SEC16B: variants seen among roughly 807,000 people sequenced by gnomAD.
SEC16B encodes SEC16 homolog B, endoplasmic reticulum export factor, also known as protein transport protein Sec16B.
A neutral mutation model predicts 141.8 loss-of-function variants in SEC16B; 115 were observed. That is an observed-to-expected ratio of 0.81 (90% confidence interval 0.70 to 0.95). The LOEUF (loss-of-function observed/expected upper bound fraction) is 0.95, where lower values mean the gene tolerates loss of function less well. SEC16B is among the 40% of genes least tolerant of loss of function. The pLI, the probability that SEC16B is intolerant of heterozygous loss-of-function variation, is 0.00. For missense variants in SEC16B, 1,291 were observed against 1,312.3 expected (o/e 0.98, Z 0.25); for synonymous variants, 493 against 492.5 (o/e 1.00, Z -0.01).
rs1425885709 is a variant in SEC16B, at chr1:177,940,665, C to T, written c.2072G>A (p.Ser691Asn). The T allele has an allele frequency of 6.2e-7, 1 of 1,613,928 alleles. No homozygotes were observed. Among genetic ancestry groups the T allele is most frequent in the Non-Finnish European group, 8.5e-7 (1 of 1,179,872 alleles). Residue 691 changes from serine (S) to asparagine (N), a missense_variant, in exon 17 of 26, where the codon AGT becomes AAT. By Grantham distance (46) the Ser-to-Asn change is conservative. Around this residue, in one of 3 missense-constraint regions of SEC16B, gnomAD observed 605 missense variants for 614.1 expected, o/e 0.99. Coordinates refer to ENST00000308284, the MANE Select transcript of SEC16B (RefSeq NM_033127.4). ...LSDPLVLERR[S>N]GDRDLEPDWL... ...ATCTGGCTCCAGGTCCCTGTCTCCA[C>T]TGCGTCTTTCTAAAACCAGAGGATC... is the stretch of plus-strand genomic sequence containing the variant.
chr1:177,930,018 T>G (rs897876625), intron 25 of SEC16B, 89 bp from the exon 26 acceptor site: 1 of 1,263,194 alleles, frequency 7.9e-7, no homozygotes, highest in African/African-American at 1.5e-5. Flanking sequence ...TAGGGCACCC[T>G]GAGCCTCTGT....
At chr1:177,932,605 C>T in intron 23 of SEC16B, 36 bp from the exon 24 acceptor site, 1 of 1,523,866 alleles carries the variant, frequency 6.6e-7, no homozygotes, top group Non-Finnish European at 8.8e-7. Flanking sequence ...TTCCTCTGCT[C>T]AGGACTGGGG....
At position 177,937,400 on chromosome 1, in the gene SEC16B, G is replaced by A. The variant is rs1650929058; in HGVS notation, c.2317C>T (p.Gln773Ter). ...CCCGGCTGGAGGGGAAAGGGCTGCT[G>A]TGGGCTGGGCTGGAGCAGGCAGGTC... ...EQTCLLQPSP[Q>*]QPFPLQPGSY... The change falls in exon 19 of 26, where the codon CAG (glutamine) becomes TAG (stop). Residue 773 changes from glutamine (Q) to a stop codon, truncating the protein, a stop_gained. Transcript: ENST00000308284. LOFTEE classifies it high-confidence loss of function. 6.2e-7 allele frequency: 1 copy of A among 1,611,464 alleles called. No homozygotes were observed. Among genetic ancestry groups the A allele is most frequent in the African/African-American group, 1.3e-5 (1 of 74,882 alleles).
At chr1:177,983,664 G>A (rs1315825906) in intron 1 of SEC16B, among the ~76,000 whole-genome samples, 3 of 152,132 alleles carry the variant, frequency 2.0e-5, no homozygotes, top group Admixed American at 1.3e-4. Context: ...ATCCAAGCCG[G>A]AGTTCTATTG....
intron 8 of SEC16B, 90 bp from the exon 9 acceptor site, chr1:177,959,065 G>A: frequency 7.3e-7 from 1 of 1,378,900 alleles, no homozygotes; most frequent in Non-Finnish European, 1.0e-6. Flanking sequence ...TGCAAGTGCT[G>A]GCTGGGCTGT....
chr1:177,963,946 A>T (rs1653290463), intron 5 of SEC16B, among the ~76,000 whole-genome samples: 1 of 152,198 alleles, frequency 6.6e-6, no homozygotes, highest in Non-Finnish European at 1.5e-5. Context: ...CAATTTGATA[A>T]AAATGCAAAG....
At chr1:177,950,303 C>A (rs1022501668) in intron 12 of SEC16B, among the ~76,000 whole-genome samples, 1 of 152,110 alleles carries the variant, frequency 6.6e-6, no homozygotes, top group Non-Finnish European at 1.5e-5. Flanking sequence ...CAAGAGGACA[C>A]GAGGGAGAGG....
intron 9 of SEC16B, 57 bp from the exon 10 acceptor site, chr1:177,958,419 C>A (rs1429083006): frequency 1.4e-6 from 2 of 1,405,152 alleles, no homozygotes; most frequent in East Asian, 2.5e-5. Context: ...GGCTGGCAGC[C>A]CCAGCTGGAG....
chr1:177,937,450 G>C lies in SEC16B; in HGVS notation c.2267C>G (p.Ser756Ter). The change falls in exon 19 of 26, where the codon TCA becomes TGA. Residue 756 changes from serine to a stop codon, truncating the protein, a stop_gained. Coordinates refer to ENST00000308284, the MANE Select transcript of SEC16B (RefSeq NM_033127.4). LOFTEE classifies it high-confidence loss of function. ...CTGCTCAGGTGTCAGCCACAGAGCT[G>C]AGCGGTACCCAGGGGCTTCAGAGTA... ...QGYSEAPGYR[S>*]ALWLTPEQTC... 1 of 1,604,420 alleles carries C rather than the reference G, an allele frequency of 6.2e-7. No individual in the cohort carries two copies.
At chr1:177,954,137 C>T in intron 11 of SEC16B, 142 bp downstream of exon 11, 1 of 582,320 alleles carries the variant, frequency 1.7e-6, no homozygotes, top group East Asian at 2.8e-5. Context: ...ATGCTATGTC[C>T]AGCTCAGAAA....
At chr1:177,963,993 G>T (rs1418191869) in intron 5 of SEC16B, among the ~76,000 whole-genome samples, 178 bp downstream of exon 5, 2 of 152,190 alleles carry the variant, frequency 1.3e-5, no homozygotes, top group Non-Finnish European at 2.9e-5. Flanking sequence ...TAAGACTGAG[G>T]CAGTAAGGAG....
intron 12 of SEC16B, chr1:177,948,414 A>T (rs1651907566): frequency 6.9e-6 from 9 of 1,304,420 alleles, no homozygotes; most frequent in Non-Finnish European, 9.1e-6. Context: ...TTCTGGCTCT[A>T]CAAAGCCCAT....
At chr1:177,982,367 C>T (rs2102034501) in intron 1 of SEC16B, among the ~76,000 whole-genome samples, 1 of 152,146 alleles carries the variant, frequency 6.6e-6, no homozygotes, top group East Asian at 1.9e-4. Context: ...TGTGGTAGTT[C>T]CAGAGGAGGC....
At chr1:177,945,609 C>T (rs992174308) in intron 14 of SEC16B, 8 of 152,272 alleles carry the variant, frequency 5.3e-5, no homozygotes, top group African/African-American at 1.9e-4. Flanking sequence ...CTCACCCACA[C>T]CCTCACTGTA....
intron 1 of SEC16B, among the ~76,000 whole-genome samples, chr1:177,981,534 C>G (rs552730178): frequency 6.6e-6 from 1 of 152,316 alleles, no homozygotes; most frequent in South Asian, 2.1e-4. Context: ...GACTGAATAA[C>G]TATTATGTGC....
chr1:177,961,971 C>T (rs982994789), intron 5 of SEC16B, among the ~76,000 whole-genome samples: 1 of 152,324 alleles, frequency 6.6e-6, no homozygotes, highest in Non-Finnish European at 1.5e-5. Flanking sequence ...TACTCAGCTG[C>T]TGTGCCCCTG....
At position 177,932,534 on chromosome 1, in the gene SEC16B, C is replaced by A. The variant is rs751850290; in HGVS notation, c.2968G>T (p.Gly990Ter). 1 of 1,560,862 alleles carries A rather than the reference C, an allele frequency of 6.4e-7. No homozygotes were observed. Among genetic ancestry groups the A allele is most frequent in the Admixed American group, 1.9e-5 (1 of 52,920 alleles). ...CCAACCCCAGCGCCCGCAGCTGCTCCCCCGCTGGATGCGGATCCTCGGCCT... is the reference window on the plus strand; with the variant it reads ...CCAACCCCAGCGCCCGCAGCTGCTCACCCGCTGGATGCGGATCCTCGGCCT... ...GEGRGSASSG[G>*]AAAGAGVGGL... Residue 990 changes from glycine (G) to a stop codon, truncating the protein, a stop_gained, in exon 24 of 26, where the codon GGA becomes TGA. Coordinates refer to ENST00000308284, the MANE Select transcript of SEC16B (RefSeq NM_033127.4). LOFTEE classifies it high-confidence loss of function.
At chr1:177,948,078 T>G in intron 12 of SEC16B, 136 bp from the exon 13 acceptor site, 1 of 773,168 alleles carries the variant, frequency 1.3e-6, no homozygotes, top group Non-Finnish European at 2.2e-6. Flanking sequence ...CTGCCATTCA[T>G]TGATTTAGAG....
intron 12 of SEC16B, among the ~76,000 whole-genome samples, chr1:177,951,651 A>C (rs543177898): frequency 3.3e-5 from 5 of 152,178 alleles, no homozygotes; most frequent in Non-Finnish European, 5.9e-5. Context: ...ACTACTCACT[A>C]TCTCTGATCT....
Sources: allele counts gnomAD v4.1 joint callset (sites outside exome capture counted in the v4.1 genomes callset), GRCh38; gene constraint gnomAD v4.1.1; regional missense constraint gnomAD v4.1.1; transcripts MANE v1.5; gene names NCBI Gene and HGNC (gene_info 2026-07-23, HGNC 2026-07-21).